The following ACYP2 variants were observed in gnomAD, a reference collection of about 807,000 sequenced individuals.
ACYP2 encodes the protein acylphosphatase 2.
In ACYP2, 12 loss-of-function variants were observed where a neutral mutation model predicts 11.2. That is an observed-to-expected ratio of 1.08 (90% CI 0.69 to 1.74). The LOEUF (loss-of-function observed/expected upper bound fraction) is 1.74. Among genes scored for constraint, ACYP2 ranks in the 40% most tolerant of loss-of-function variants. ACYP2 has a pLI of 0.00. For missense variants in ACYP2, 134 were observed against 101.9 expected, an observed-to-expected ratio of 1.31 and a Z score of -1.35; for synonymous variants, 43 against 32.2, an observed-to-expected ratio of 1.33 and a Z score of -1.13.
intron 4 of ACYP2, among the ~76,000 whole-genome samples, chr2:54,078,594 TCTC>T (rs1299448010): frequency 5.6e-4 from 79 of 141,928 alleles, no homozygotes; most frequent in Non-Finnish European, 1.1e-3. Context: ...ACTTAAGACA[TCTC>T]AATAAGCTTT....
intron 4 of ACYP2, chr2:54,065,744 C>T: frequency 2.7e-6 from 1 of 375,500 alleles, no homozygotes; most frequent in Non-Finnish European, 4.7e-6. Context: ...GCATCTCATT[C>T]ATGAGGAAAC....
At chr2:54,102,195 T>A (rs1309676880) in intron 4 of ACYP2, among the ~76,000 whole-genome samples, 29 of 152,194 alleles carry the variant, frequency 1.9e-4, no homozygotes, top group Admixed American at 1.9e-3. Context: ...TTTCAGCATA[T>A]CATCAATAAC....
chr2:54,075,830 G>T (rs1050759409), intron 4 of ACYP2, among the ~76,000 whole-genome samples: 2 of 151,628 alleles, frequency 1.3e-5, no homozygotes. Flanking sequence ...AAAAATTCTC[G>T]TAATAAAATG....
At position 54,135,467 on chromosome 2, in the gene ACYP2, A is replaced by G. The variant is rs1161321905; in HGVS notation, c.292A>G (p.Met98Val). ...CTTTTATACAGGTGTTTGCTTCAGA[A>G]TGGTAAGTCAGTACAATCTTTATTA... is the stretch of plus-strand genomic sequence containing the variant. Residue 98 changes from methionine (M) to valine (V), a missense_variant and splice_region_variant, in exon 5 of 7, where the codon ATG becomes GTG. Transcript: ENST00000607452. The G allele has an allele frequency of 2.5e-6, 4 of 1,607,866 alleles. No individual in the cohort carries two copies. Among genetic ancestry groups the G allele is most frequent in the Non-Finnish European group, 3.4e-6 (4 of 1,176,922 alleles).
intron 6 of ACYP2, chr2:54,166,864 G>A (rs1446700838): frequency 6.6e-6 from 1 of 152,168 alleles, no homozygotes; most frequent in Non-Finnish European, 1.5e-5. Flanking sequence ...AACAGATGCA[G>A]CTCACAAGCC....
intron 4 of ACYP2, among the ~76,000 whole-genome samples, chr2:54,111,970 C>G (rs139362880): frequency 9.2e-5 from 14 of 152,288 alleles, no homozygotes; most frequent in African/African-American, 3.4e-4. Context: ...AGAGTACTAT[C>G]TATCCTTATT....
intron 4 of ACYP2, among the ~76,000 whole-genome samples, chr2:54,124,196 CTT>C (rs796548629): frequency 2.7e-4 from 38 of 143,038 alleles, no homozygotes; most frequent in African/African-American, 3.0e-4. Flanking sequence ...CATATTGAAT[CTT>C]TTTTTTTTTT....
At chr2:53,990,883 G>T (rs919088977) in intron 2 of ACYP2, among the ~76,000 whole-genome samples, 2 of 151,544 alleles carry the variant, frequency 1.3e-5, no homozygotes, top group Non-Finnish European at 2.9e-5. Flanking sequence ...TGCCAGCTCC[G>T]CTTCCTGGGT....
chr2:54,012,738 G>T (rs1388101575), intron 2 of ACYP2, among the ~76,000 whole-genome samples: 3 of 152,070 alleles, frequency 2.0e-5, no homozygotes, highest in African/African-American at 7.2e-5. Flanking sequence ...CAGTTGCTTG[G>T]CCAGCTTTGG....
chr2:54,152,334 G>C (rs1437526524), intron 6 of ACYP2, among the ~76,000 whole-genome samples: 1 of 151,652 alleles, frequency 6.6e-6, no homozygotes, highest in Non-Finnish European at 1.5e-5. Context: ...ATGTTTCCCG[G>C]GCTGGTCTCA....
intron 6 of ACYP2, among the ~76,000 whole-genome samples, chr2:54,230,124 T>C (rs182012639): frequency 6.6e-6 from 1 of 152,188 alleles, no homozygotes; most frequent in African/African-American, 2.4e-5. Context: ...TACCTTGAAA[T>C]TGCCCTGCAA....
At chr2:54,279,574 G>T (rs1275887304) in intron 6 of ACYP2, among the ~76,000 whole-genome samples, 1 of 151,866 alleles carries the variant, frequency 6.6e-6, no homozygotes, top group Non-Finnish European at 1.5e-5. Context: ...AGAACCCCCA[G>T]TGGCAGGATC....
chr2:54,031,086 T>G (rs548893047), intron 2 of ACYP2, among the ~76,000 whole-genome samples: 1 of 152,152 alleles, frequency 6.6e-6, no homozygotes, highest in Non-Finnish European at 1.5e-5. Flanking sequence ...TTATGTCTCA[T>G]TGGTGTCAGG....
At chr2:54,151,818 T>C (rs965926279) in intron 6 of ACYP2, among the ~76,000 whole-genome samples, 14 of 152,324 alleles carry the variant, frequency 9.2e-5, no homozygotes, top group Admixed American at 9.1e-4. Flanking sequence ...ATAAAAGAAA[T>C]GCATAATGCA....
At chr2:54,052,125 G>C (rs976622216) in intron 3 of ACYP2, among the ~76,000 whole-genome samples, 2 of 151,810 alleles carry the variant, frequency 1.3e-5, no homozygotes, top group African/African-American at 4.8e-5. Context: ...AGAAGGAGGA[G>C]GATGAAGATG....
chr2:54,242,320 G>A (rs541206471), intron 6 of ACYP2, among the ~76,000 whole-genome samples: 5 of 152,318 alleles, frequency 3.3e-5, no homozygotes, highest in Admixed American at 3.3e-4. Context: ...AAGTAATCCT[G>A]AGATGACTTT....
intron 2 of ACYP2, among the ~76,000 whole-genome samples, chr2:54,012,795 T>G (rs774681377): frequency 2.8e-4 from 42 of 152,238 alleles, no homozygotes; most frequent in Admixed American, 7.9e-4. Context: ...AGAGTTTTCC[T>G]ATTAAAAGCT....
intron 2 of ACYP2, among the ~76,000 whole-genome samples, chr2:53,976,232 C>T (rs994099098): frequency 1.3e-5 from 2 of 151,854 alleles, no homozygotes; most frequent in South Asian, 2.1e-4. Context: ...CTTTTTTAGT[C>T]AGGGTTTCAC....
intron 6 of ACYP2, among the ~76,000 whole-genome samples, chr2:54,264,375 C>T (rs1166030888): frequency 6.6e-6 from 1 of 152,146 alleles, no homozygotes; most frequent in African/African-American, 2.4e-5. Flanking sequence ...TTATTTGGCC[C>T]CGCCCACATC....
Sources: gnomAD v4.1 joint callset for allele counts (sites outside exome capture counted in the v4.1 genomes callset) on GRCh38, gnomAD v4.1.1 for gene constraint, MANE v1.5 for transcripts, NCBI Gene and HGNC (gene_info 2026-07-23, HGNC 2026-07-21) for gene names.